SFRP5: variants seen among roughly 807,000 people sequenced by gnomAD.
SFRP5 encodes the protein secreted frizzled related protein 5.
A neutral mutation model predicts 27.0 loss-of-function variants in SFRP5; 22 were observed. The ratio of observed to expected loss-of-function variants is 0.82; its 90% CI spans 0.58 to 1.17. The LOEUF is 1.17. SFRP5 is among the 50% of genes most tolerant of loss of function. SFRP5 has a pLI of 0.00. For missense variants in SFRP5, 406 were observed against 436.6 expected, an observed-to-expected ratio of 0.93 and a Z score of 0.63; for synonymous variants, 171 against 195.0, an observed-to-expected ratio of 0.88 and a Z score of 1.03.
In SFRP5 at chr10:97,767,521, G is replaced by C. The variant is rs756009116; in HGVS notation, c.947C>G (p.Pro316Arg). Reference protein sequence around the residue: ...YYPFFYGAAEPH With the variant: ...YYPFFYGAAERH ...GGCAAGGAGGAGTGCCCTTCAGTGGGGCTCTGCCGCCCCGTAGAAGAAAGG... is the reference window on the plus strand; with the variant it reads ...GGCAAGGAGGAGTGCCCTTCAGTGGCGCTCTGCCGCCCCGTAGAAGAAAGG... The change falls in exon 3 of 3, where the codon CCC becomes CGC. Residue 316 changes from proline to arginine, a missense_variant. Pro to Arg is a moderately radical substitution (Grantham distance 103). Transcript: ENST00000266066. The C allele has an allele frequency of 6.2e-7, 1 of 1,602,664 alleles. No individual in the cohort carries two copies. The highest frequency in any genetic ancestry group is 8.5e-7 in the Non-Finnish European group (1 of 1,174,074).
At chr10:97,769,232 G>A (rs1254315687) in intron 2 of SFRP5, among the ~76,000 whole-genome samples, 1 of 152,192 alleles carries the variant, frequency 6.6e-6, no homozygotes, top group Non-Finnish European at 1.5e-5. Flanking sequence ...CAGCTCCGCT[G>A]GCAGGAGGTG....
chr10:97,771,290 C>T lies in SFRP5; in HGVS notation c.529+15G>A, dbSNP rs1220359828. The T allele has an allele frequency of 2.0e-5, 31 of 1,517,034 alleles. No homozygotes were observed. Among genetic ancestry groups the T allele is most frequent in the Non-Finnish European group, 2.6e-5 (29 of 1,132,430 alleles). 94.0% of individuals were successfully genotyped at this position (1,517,034 alleles called of 1,614,324 possible). A position where few individuals can be genotyped will look rare whatever the true frequency, so the allele number is the denominator to read the frequency against. On this transcript the variant is annotated intron_variant, in intron 1 of 2. Coordinates refer to ENST00000266066, the MANE Select transcript of SFRP5 (RefSeq NM_003015.3). This position sits in a 1 kb window ranked among gnomAD's most constrained non-coding sequence, Gnocchi z 5.2. ...GGGCCGTCGGAGCGCGCGGGGACGGCGGCGGCGGCGCTACCTGGAGGCGCG... is the reference window on the plus strand; with the variant it reads ...GGGCCGTCGGAGCGCGCGGGGACGGTGGCGGCGGCGCTACCTGGAGGCGCG...
At chr10:97,769,372 G>A (rs1451978073) in intron 2 of SFRP5, among the ~76,000 whole-genome samples, 1 of 152,252 alleles carries the variant, frequency 6.6e-6, no homozygotes, top group Non-Finnish European at 1.5e-5. Context: ...TCCAGTCATG[G>A]AGGGCCCTCT....
Position 97,771,321 on chromosome 10 carries a change from G to A in SFRP5, c.513C>T (p.Pro171=). ...LCIAVQFGHL[P]ATAPPVTKIC... is the part of the protein sequence containing the mutation. ...CGGCGCTACCTGGAGGCGCGGTGGC[G>A]GGCAGGTGCCCGAACTGCACGGCGA... is the stretch of plus-strand genomic sequence containing the variant. Residue 171 remains proline (P), a synonymous_variant, in exon 1 of 3, where the codon CCC becomes CCT. Coordinates refer to ENST00000266066, the MANE Select transcript of SFRP5 (RefSeq NM_003015.3). The surrounding 1 kb of genome is among the most constrained non-coding windows in gnomAD (Gnocchi z 5.2). The A allele has an allele frequency of 1.3e-6, 2 of 1,578,730 alleles. No homozygotes were observed. The highest frequency in any genetic ancestry group is 2.3e-5 in the South Asian group (2 of 87,630).
At chr10:97,768,122 C>A (rs542007884) in intron 2 of SFRP5, among the ~76,000 whole-genome samples, 1 of 152,064 alleles carries the variant, frequency 6.6e-6, no homozygotes, top group Non-Finnish European at 1.5e-5. Context: ...CTGCGTGAAT[C>A]GAGAGTCCAA....
At chr10:97,770,435 G>T (rs977544908) in intron 1 of SFRP5, among the ~76,000 whole-genome samples, 2 of 152,164 alleles carry the variant, frequency 1.3e-5, no homozygotes, top group Non-Finnish European at 2.9e-5. Context: ...GACAGCAGAC[G>T]GGGAGGAAGG....
rs2049520543 is a variant in SFRP5 at position 97,771,845 on chromosome 10, C to T, written c.-12G>A. 1 of 1,087,162 alleles carries T rather than the reference C, an allele frequency of 9.2e-7. No individual in the cohort carries two copies. Among genetic ancestry groups the T allele is most frequent in the Non-Finnish European group, 1.1e-6 (1 of 897,468 alleles). The allele number at this position is 1,087,162 out of a possible 1,614,324, so 67.3% of individuals were successfully genotyped here. On this transcript the variant is annotated 5_prime_UTR_variant, in exon 1 of 3. Transcript: ENST00000266066. This position sits in a 1 kb window ranked among gnomAD's most constrained non-coding sequence, Gnocchi z 5.2. ...GCCGCCGCCCGCATGGCTGCGCCCT[C>T]TCCAGGTGCGCGCCGCGCAGCCCCC...
At chr10:97,769,845 T>A in intron 1 of SFRP5, 100 bp from the exon 2 acceptor site, 1 of 750,598 alleles carries the variant, frequency 1.3e-6, no homozygotes, top group Admixed American at 2.0e-5. Flanking sequence ...ACCAGCCACT[T>A]CCCCTTGCCA....
Position 97,771,734 on chromosome 10 carries a change from AGTC to A in SFRP5, c.97_99del (p.Asp33del). 6.3e-7 allele frequency: 1 copy of A among 1,595,444 alleles called. No individual in the cohort carries two copies. The highest frequency in any genetic ancestry group is 1.1e-5 in the South Asian group (1 of 90,798). ...AGCGGCTCGGCCTGCCAGCCATAGT[AGTC>A]GTACTCCTCGCAGCGCGCCGGCGCC... On this transcript the variant is annotated inframe_deletion, in exon 1 of 3. Coordinates refer to ENST00000266066, the MANE Select transcript of SFRP5 (RefSeq NM_003015.3). This position sits in a 1 kb window ranked among gnomAD's most constrained non-coding sequence, Gnocchi z 5.2.
Position 97,769,540 on chromosome 10 carries a change from C to T in SFRP5, c.607+128G>A, listed in dbSNP as rs548711253. ...TTTATGGTTATAATTGGCTTCTAAA[C>T]GGGAGCCATGATGCAAAAACTGTTG... On this transcript the variant is annotated intron_variant, in intron 2 of 2. Transcript: ENST00000266066. The T allele has an allele frequency of 8.0e-4, 533 of 663,886 alleles. 1 individual carries two copies. The highest frequency in any genetic ancestry group is 1.2e-3 in the Non-Finnish European group (430 of 364,588). 41.1% of individuals were successfully genotyped at this position (663,886 alleles called of 1,614,324 possible). A position where few individuals can be genotyped will look rare whatever the true frequency, so the allele number is the denominator to read the frequency against.
rs1564848298 is a variant in SFRP5 at position 97,767,828 on chromosome 10, C to CT, written c.639dup (p.Glu214ArgfsTer76). The CT allele has an allele frequency of 6.5e-7, 1 of 1,530,520 alleles. No homozygotes were observed. Among genetic ancestry groups the CT allele is most frequent in the Non-Finnish European group, 8.8e-7 (1 of 1,142,772 alleles). The allele number at this position is 1,530,520 out of a possible 1,614,324, so 94.8% of individuals were successfully genotyped here. A position where few individuals can be genotyped will look rare whatever the true frequency, so the allele number is the denominator to read the frequency against. ...CCAATCAGCTTCCGGTCCCCATTCT[C>CT]TATCTTGATCTCCTTGATGCGCATT... On this transcript the variant is annotated frameshift_variant, in exon 3 of 3. Coordinates refer to ENST00000266066, the MANE Select transcript of SFRP5 (RefSeq NM_003015.3). LOFTEE classifies it high-confidence loss of function.
In SFRP5 at chr10:97,771,523, G is replaced by A. The variant is rs772629491; in HGVS notation, c.311C>T (p.Thr104Met). The A allele has an allele frequency of 6.2e-7, 1 of 1,610,260 alleles. No homozygotes were observed. Among genetic ancestry groups the A allele is most frequent in the Non-Finnish European group, 8.5e-7 (1 of 1,177,254 alleles). Reference protein sequence around the residue: ...PLLAKRCHSDTQVFLCSLFAP... With the variant: ...PLLAKRCHSDMQVFLCSLFAP... Reference sequence around the variant, plus strand: ...AAAGAGCGAGCACAGGAAGACCTGCGTATCCGAGTGGCAGCGCTTGGCCAG... The same window carrying A: ...AAAGAGCGAGCACAGGAAGACCTGCATATCCGAGTGGCAGCGCTTGGCCAG... Residue 104 changes from threonine (T) to methionine (M), a missense_variant, in exon 1 of 3, where the codon ACG becomes ATG. Coordinates refer to ENST00000266066, the MANE Select transcript of SFRP5 (RefSeq NM_003015.3). This position sits in a 1 kb window ranked among gnomAD's most constrained non-coding sequence, Gnocchi z 5.2.
rs1249636611 is a variant in SFRP5 at position 97,771,166 on chromosome 10, C to T, written c.529+139G>A. 75 of 578,408 alleles carry T rather than the reference C, an allele frequency of 1.3e-4. No individual in the cohort carries two copies. The highest frequency in any genetic ancestry group is 4.3e-4 in the South Asian group (18 of 41,826). The allele number at this position is 578,408 out of a possible 1,614,324, so 35.8% of individuals were successfully genotyped here. A position where few individuals can be genotyped will look rare whatever the true frequency, so the allele number is the denominator to read the frequency against. On this transcript the variant is annotated intron_variant, in intron 1 of 2. Coordinates refer to ENST00000266066, the MANE Select transcript of SFRP5 (RefSeq NM_003015.3). The surrounding 1 kb of genome is among the most constrained non-coding windows in gnomAD (Gnocchi z 5.2). ...AGGCTGCGGGGGATAATTCCGGGGA[C>T]GCTGGGCTGAGCTAGGACAGCGTGT...
Position 97,771,211 on chromosome 10 carries a change from G to GA in SFRP5, c.529+93_529+94insT. 1.4e-6 allele frequency: 1 copy of GA among 704,536 alleles called. No individual in the cohort carries two copies. The allele number at this position is 704,536 out of a possible 1,614,324, so 43.6% of individuals were successfully genotyped here. A position where few individuals can be genotyped will look rare whatever the true frequency, so the allele number is the denominator to read the frequency against. On this transcript the variant is annotated intron_variant, in intron 1 of 2. Coordinates refer to ENST00000266066, the MANE Select transcript of SFRP5 (RefSeq NM_003015.3). This position sits in a 1 kb window ranked among gnomAD's most constrained non-coding sequence, Gnocchi z 5.2. ...GCGTGTGTGTGTGTGTGTGGGCGGA[G>GA]GGGGGGAGCTGCACCTCTTGGGGGG...
intron 2 of SFRP5, 52 bp from the exon 3 acceptor site, chr10:97,767,912 A>T: frequency 7.3e-7 from 1 of 1,362,764 alleles, no homozygotes; most frequent in Non-Finnish European, 1.0e-6. Flanking sequence ...TCTGTGTGGG[A>T]TGCTGGTGGG....
At chr10:97,770,173 G>A (rs2049506968) in intron 1 of SFRP5, among the ~76,000 whole-genome samples, 1 of 152,198 alleles carries the variant, frequency 6.6e-6, no homozygotes, top group Non-Finnish European at 1.5e-5. Context: ...AGGTTTAAGC[G>A]ATTCTTCTGT....
rs956828152 is a variant in SFRP5 at position 97,767,252 on chromosome 10, C to T, written c.*262G>A. The T allele has an allele frequency of 5.6e-5, 22 of 395,490 alleles. No homozygotes were observed. Among genetic ancestry groups the T allele is most frequent in the Non-Finnish European group, 7.2e-5 (16 of 222,248 alleles). The allele number at this position is 395,490 out of a possible 1,614,324, so 24.5% of individuals were successfully genotyped here. The stretch of plus-strand genomic sequence containing the variant: ...CCCCTCCACCTTTCCCTTACCCTCT[C>T]CTCCCCTGCCTACTTTCTGAGACCC... On this transcript the variant is annotated 3_prime_UTR_variant, in exon 3 of 3. Coordinates refer to ENST00000266066, the MANE Select transcript of SFRP5 (RefSeq NM_003015.3).
At position 97,771,155 on chromosome 10, in the gene SFRP5, A is replaced by C; in HGVS notation, c.529+150T>G. The C allele has an allele frequency of 7.4e-6, 4 of 541,518 alleles. No individual in the cohort carries two copies. Among genetic ancestry groups the C allele is most frequent in the Non-Finnish European group, 1.3e-5 (4 of 313,522 alleles). The allele number at this position is 541,518 out of a possible 1,614,324, so 33.5% of individuals were successfully genotyped here. A position where few individuals can be genotyped will look rare whatever the true frequency, so the allele number is the denominator to read the frequency against. On this transcript the variant is annotated intron_variant, in intron 1 of 2. Coordinates refer to ENST00000266066, the MANE Select transcript of SFRP5 (RefSeq NM_003015.3). This position sits in a 1 kb window ranked among gnomAD's most constrained non-coding sequence, Gnocchi z 5.2. ...GGAAGGCGGGAAGGCTGCGGGGGAT[A>C]ATTCCGGGGACGCTGGGCTGAGCTA...
In SFRP5 at chr10:97,767,463, G is replaced by A. The variant is rs1392576203; in HGVS notation, c.*51C>T. 3.5e-6 allele frequency: 5 copies of A among 1,417,404 alleles called. No homozygotes were observed. The highest frequency in any genetic ancestry group is 2.9e-5 in the African/African-American group (2 of 70,130). 87.8% of individuals were successfully genotyped at this position (1,417,404 alleles called of 1,614,324 possible). A position where few individuals can be genotyped will look rare whatever the true frequency, so the allele number is the denominator to read the frequency against. On this transcript the variant is annotated 3_prime_UTR_variant, in exon 3 of 3. Transcript: ENST00000266066. ...GCCGGGTCAGCCTGGAAGTTGGGGC[G>A]GGGCCAGAGGGCAAGCAAGGCACAG... is the stretch of plus-strand genomic sequence containing the variant.
Sources: allele counts gnomAD v4.1 joint callset (sites outside exome capture counted in the v4.1 genomes callset), GRCh38; gene constraint gnomAD v4.1.1; non-coding constraint Gnocchi (gnomAD v3.1); transcripts MANE v1.5; gene names NCBI Gene and HGNC (gene_info 2026-07-23, HGNC 2026-07-21).